ETS1: variants seen among roughly 807,000 people sequenced by gnomAD.
ETS1 encodes the protein protein C-ets-1.
ETS1 carries 15 observed loss-of-function variants against 58.6 expected under a neutral mutation model. The ratio of observed to expected loss-of-function variants is 0.26; its 90% CI spans 0.17 to 0.39. The LOEUF is 0.39. Among genes scored for constraint, ETS1 ranks in the 10% least tolerant of loss-of-function variants. The probability of loss-of-function intolerance (pLI) is 1.00; values close to 1 mark genes in which losing one functional copy is unlikely to be tolerated. For missense variants in ETS1, 417 were observed against 610.5 expected, an observed-to-expected ratio of 0.68 and a Z score of 3.34; for synonymous variants, 214 against 218.2, an observed-to-expected ratio of 0.98 and a Z score of 0.17.
chr11:128,485,894 G>A (rs1325640569), intron 6 of ETS1, among the ~76,000 whole-genome samples, 175 bp downstream of exon 6: 1 of 152,116 alleles, frequency 6.6e-6, no homozygotes, highest in Non-Finnish European at 1.5e-5. Context: ...ATATATATAG[G>A]TTGAAACTTT....
intron 3 of ETS1, among the ~76,000 whole-genome samples, chr11:128,507,106 A>G (rs1041679684): frequency 1.3e-5 from 2 of 152,048 alleles, no homozygotes; most frequent in Admixed American, 1.3e-4. Flanking sequence ...CAGTCACAAC[A>G]CTGTGATGCC....
chr11:128,550,038 C>T (rs1864205311), intron 3 of ETS1, among the ~76,000 whole-genome samples: 1 of 152,226 alleles, frequency 6.6e-6, no homozygotes, highest in South Asian at 2.1e-4. Context: ...AGGCCACGAC[C>T]TTTTAACTAT....
intron 1 of ETS1, among the ~76,000 whole-genome samples, chr11:128,581,008 G>T (rs1864859893): frequency 6.6e-6 from 1 of 152,122 alleles, no homozygotes; most frequent in African/African-American, 2.4e-5. Context: ...ACCCTTCCTT[G>T]AGGAGTAACT....
At chr11:128,572,824 A>G (rs1864664089) in intron 2 of ETS1, among the ~76,000 whole-genome samples, 1 of 152,236 alleles carries the variant, frequency 6.6e-6, no homozygotes, top group South Asian at 2.1e-4. Flanking sequence ...CATTTCTCTC[A>G]AACTCAAACA....
intron 8 of ETS1, among the ~76,000 whole-genome samples, chr11:128,470,113 G>C (rs1362635130): frequency 6.6e-6 from 1 of 152,200 alleles, no homozygotes; most frequent in Admixed American, 6.5e-5. Flanking sequence ...TGTATTTGTT[G>C]CTGAGATAGC....
chr11:128,509,605 G>A (rs1217951576), intron 3 of ETS1, among the ~76,000 whole-genome samples: 1 of 144,520 alleles, frequency 6.9e-6, no homozygotes, highest in Non-Finnish European at 1.5e-5. Context: ...CATCCCAATG[G>A]TAGATATGTA....
At position 128,463,009 on chromosome 11, in the gene ETS1, A is replaced by G. The variant is rs1344661353; in HGVS notation, c.1243-433T>C. 6.6e-6 allele frequency among the ~76,000 whole-genome samples: 1 copy of G among 152,162 alleles called. No individual in the cohort carries two copies. Among genetic ancestry groups the G allele is most frequent in the Non-Finnish European group, 1.5e-5 (1 of 68,022 alleles). On this transcript the variant is annotated intron_variant, in intron 9 of 9. Coordinates refer to ENST00000392668, the MANE Select transcript of ETS1 (RefSeq NM_001143820.2). This position sits in a 1 kb window ranked among gnomAD's most constrained non-coding sequence, Gnocchi z 4.1. Reference sequence around the variant, plus strand: ...CATCAACAGGAAGTGTTTTTTTTCCATACCAGGGCACAAATATTTTCTCAT... The same window carrying G: ...CATCAACAGGAAGTGTTTTTTTTCCGTACCAGGGCACAAATATTTTCTCAT...
chr11:128,465,488 C>T (rs926872390), intron 8 of ETS1, among the ~76,000 whole-genome samples: 3 of 152,106 alleles, frequency 2.0e-5, no homozygotes, highest in Non-Finnish European at 2.9e-5. Flanking sequence ...CAAAACTAAC[C>T]GTGACATTCT....
intron 3 of ETS1, among the ~76,000 whole-genome samples, chr11:128,520,266 G>C (rs564237495): frequency 2.6e-4 from 39 of 152,264 alleles, no homozygotes; most frequent in African/African-American, 8.7e-4. Flanking sequence ...TGCCTCAGCT[G>C]TTCACTGTGA....
chr11:128,556,539 T>A (rs950597561), intron 2 of ETS1, 104 bp from the exon 3 acceptor site: 3 of 739,906 alleles, frequency 4.1e-6, no homozygotes, highest in Non-Finnish European at 6.4e-6. Context: ...TAAGTAAGAA[T>A]CATCTATAGA....
At chr11:128,466,112 G>T (rs1431064321) in intron 8 of ETS1, among the ~76,000 whole-genome samples, 1 of 152,194 alleles carries the variant, frequency 6.6e-6, no homozygotes, top group Non-Finnish European at 1.5e-5. Context: ...ATAGCCAGTG[G>T]TTCTCCCAGT....
rs1565360434 is a variant in ETS1 at position 128,460,089 on chromosome 11, C to CACACAA, written c.*2271_*2272insTTGTGT. The stretch of plus-strand genomic sequence containing the variant: ...GTCTGCAAACACACACACACACACA[C>CACACAA]ACACACACACACACACACACACACA... On this transcript the variant is annotated 3_prime_UTR_variant, in exon 10 of 10. Coordinates refer to ENST00000392668, the MANE Select transcript of ETS1 (RefSeq NM_001143820.2). 1 of 148,534 alleles carries CACACAA rather than the reference C, an allele frequency of 6.7e-6. No individual in the cohort carries two copies. The highest frequency in any genetic ancestry group is 1.5e-5 in the Non-Finnish European group (1 of 66,284). 9.2% of individuals were successfully genotyped at this position (148,534 alleles called of 1,614,324 possible).
At chr11:128,509,317 TAC>T in intron 3 of ETS1, among the ~76,000 whole-genome samples, 1 of 152,384 alleles carries the variant, frequency 6.6e-6, no homozygotes, top group South Asian at 2.1e-4. Flanking sequence ...TTTACTTTTC[TAC>T]AAATGTCCCT....
At chr11:128,539,685 A>T (rs1486306293) in intron 3 of ETS1, among the ~76,000 whole-genome samples, 1 of 152,228 alleles carries the variant, frequency 6.6e-6, no homozygotes, top group African/African-American at 2.4e-5. Flanking sequence ...TAATGTTAAT[A>T]GCAGCCTTAT....
At chr11:128,505,607 G>A (rs1161850272) in intron 3 of ETS1, among the ~76,000 whole-genome samples, 1 of 152,100 alleles carries the variant, frequency 6.6e-6, no homozygotes, top group East Asian at 1.9e-4. Flanking sequence ...AGCCTCAGAC[G>A]CCTCTCCCAG....
At chr11:128,546,389 C>G (rs1483427049) in intron 3 of ETS1, among the ~76,000 whole-genome samples, 1 of 152,200 alleles carries the variant, frequency 6.6e-6, no homozygotes, top group Non-Finnish European at 1.5e-5. Flanking sequence ...TGTATACAGT[C>G]TCTTGGCCAT....
At chr11:128,490,653 G>T (rs1353966103) in intron 3 of ETS1, 77 bp from the exon 4 acceptor site, 2 of 1,140,926 alleles carry the variant, frequency 1.8e-6, no homozygotes, top group Non-Finnish European at 2.6e-6. Flanking sequence ...CAAATGGGCT[G>T]TAAGAAGGCA....
chr11:128,581,923 T>A (rs79245988), intron 1 of ETS1, among the ~76,000 whole-genome samples: 1,888 of 152,210 alleles, frequency 0.012, 33 homozygotes, highest in African/African-American at 0.037. Flanking sequence ...CCCTTTAAAA[T>A]TGAACTAAAA....
At chr11:128,481,614 G>T (rs1358445396) in intron 7 of ETS1, among the ~76,000 whole-genome samples, 2 of 152,182 alleles carry the variant, frequency 1.3e-5, no homozygotes, top group Non-Finnish European at 2.9e-5. Context: ...TGTTTACGGA[G>T]AAATATCCGT....
Sources: gnomAD v4.1 joint callset for allele counts (sites outside exome capture counted in the v4.1 genomes callset) on GRCh38, gnomAD v4.1.1 for gene constraint, Gnocchi (gnomAD v3.1) non-coding constraint, MANE v1.5 for transcripts, NCBI Gene and HGNC (gene_info 2026-07-23, HGNC 2026-07-21) for gene names.